Variants in FREM1 observed in about 807,000 individuals in gnomAD.
The protein encoded by FREM1 is FRAS1-related extracellular matrix protein 1.
FREM1 carries 220 observed loss-of-function variants against 210.1 expected under a neutral mutation model. That is an observed-to-expected ratio of 1.05 (90% CI 0.94 to 1.17). The LOEUF is 1.17. Ranked by LOEUF, FREM1 falls within the 50% of genes most tolerant of loss-of-function variation. The pLI is 0.00. For missense variants in FREM1, 3,454 were observed against 2,675.5 expected (o/e 1.29, Z -6.42); for synonymous variants, 1,189 against 980.2 (o/e 1.21, Z -3.98).
intron 1 of FREM1, among the ~76,000 whole-genome samples, chr9:14,879,484 A>G (rs1469571218): frequency 1.3e-5 from 2 of 152,232 alleles, no homozygotes; most frequent in East Asian, 3.9e-4. Context: ...AACACTGAGA[A>G]TCTATCCAAC....
chr9:14,826,076 T>C (rs1822389072), intron 10 of FREM1, among the ~76,000 whole-genome samples: 1 of 150,184 alleles, frequency 6.7e-6, no homozygotes, highest in Non-Finnish European at 1.5e-5. Flanking sequence ...TCCAAGACTT[T>C]CAATATACAC....
chr9:14,847,044 C>T (rs535375660), intron 7 of FREM1, among the ~76,000 whole-genome samples: 1 of 152,210 alleles, frequency 6.6e-6, no homozygotes, highest in East Asian at 1.9e-4. Flanking sequence ...CTAAGAGGGG[C>T]CAGATAACAC....
rs992034956 is a variant in FREM1, at chr9:14,779,539, G to A, written c.4443-3336C>T. On this transcript the variant is annotated intron_variant, in intron 24 of 36. Coordinates refer to ENST00000380880, the MANE Select transcript of FREM1 (RefSeq NM_001379081.2). ...GACTTTCCTCCCTGCAGACTGAATTGCAAGAATGCCTGACGGGGTCCTCAA... is the reference window on the plus strand; with the variant it reads ...GACTTTCCTCCCTGCAGACTGAATTACAAGAATGCCTGACGGGGTCCTCAA... 5 of 975,230 alleles carry A rather than the reference G, an allele frequency of 5.1e-6. No homozygotes were observed. In the African/African-American group the frequency reaches 8.8e-5, roughly 17 times the overall value. The allele number at this position is 975,230 out of a possible 1,614,324, so 60.4% of individuals were successfully genotyped here. A position where few individuals can be genotyped will look rare whatever the true frequency, so the allele number is the denominator to read the frequency against.
rs536683402 is a variant in FREM1 at position 14,776,169 on chromosome 9, C to T, written c.4477G>A (p.Gly1493Arg). The change falls in exon 25 of 37, where the codon GGG (glycine) becomes AGG (arginine). Residue 1493 changes from glycine to arginine, a missense_variant. Transcript: ENST00000380880. ...IISNGLRTEH[G>R]VFEITLETVD... is the part of the protein sequence containing the mutation. ...GTCTCCAGTGTGATCTCAAACACCC[C>T]GTGCTCGGTCCGCAGTCCATTGCTG... 21 of 1,540,214 alleles carry T rather than the reference C, an allele frequency of 1.4e-5. No homozygotes were observed. Among genetic ancestry groups the T allele is most frequent in the Middle Eastern group, 1.8e-4 (1 of 5,710 alleles).
rs149356752 is a variant in FREM1, at chr9:14,757,389, T to C, written c.5335-943A>G. On this transcript the variant is annotated intron_variant, in intron 28 of 36. Transcript: ENST00000380880. Reference sequence around the variant, plus strand: ...GGCCAACATGGTGAAACCCCGTCTCTACCAAAAACAAAAAAATTGGCCAGG... The same window carrying C: ...GGCCAACATGGTGAAACCCCGTCTCCACCAAAAACAAAAAAATTGGCCAGG... Among the ~76,000 whole-genome samples the C allele has an allele frequency of 8.5e-3, 1,294 of 152,198 alleles. 20 individuals carry two copies. The highest frequency in any genetic ancestry group is 0.03 in the African/African-American group (1,227 of 41,522).
At chr9:14,845,712 G>A (rs769453063) in intron 8 of FREM1, among the ~76,000 whole-genome samples, 1 of 152,138 alleles carries the variant, frequency 6.6e-6, no homozygotes, top group African/African-American at 2.4e-5. Context: ...GCCATGCATG[G>A]CATCCAGAAA....
At chr9:14,815,585 C>T (rs1428062740) in intron 15 of FREM1, among the ~76,000 whole-genome samples, 2 of 152,284 alleles carry the variant, frequency 1.3e-5, no homozygotes, top group South Asian at 2.1e-4. Context: ...GAGTTATGCT[C>T]TTGGACTTGC....
chr9:14,832,926 C>A (rs1205066577), intron 10 of FREM1, among the ~76,000 whole-genome samples: 1 of 152,140 alleles, frequency 6.6e-6, no homozygotes, highest in African/African-American at 2.4e-5. Context: ...GGTTAGGATG[C>A]AGGCCCAGGA....
chr9:14,896,457 T>C (rs1044095942), intron 1 of FREM1, among the ~76,000 whole-genome samples: 11 of 150,670 alleles, frequency 7.3e-5, no homozygotes, highest in African/African-American at 2.7e-4. Flanking sequence ...GGCAGGAGAA[T>C]TGCTTAAACT....
chr9:14,861,084 TACAC>T lies in FREM1; in HGVS notation c.330-1604_330-1601del, dbSNP rs1214502848. On this transcript the variant is annotated intron_variant, in intron 3 of 36. Transcript: ENST00000380880. ...ATACACATATACATATATACATATA[TACAC>T]ATATATATAAACATATATACACATA... 9.5e-5 allele frequency among the ~76,000 whole-genome samples: 11 copies of T among 115,352 alleles called. 2 individuals carry two copies. The highest frequency in any genetic ancestry group is 1.9e-4 in the Admixed American group (2 of 10,620). 75.7% of individuals were successfully genotyped at this position (115,352 alleles called of 152,430 possible).
chr9:14,857,268 AAGG>A (rs1828934199), intron 5 of FREM1, among the ~76,000 whole-genome samples: 2 of 152,158 alleles, frequency 1.3e-5, no homozygotes, highest in South Asian at 4.1e-4. Flanking sequence ...ATTGGGAGTA[AAGG>A]AGGAAGAAGG....
intron 1 of FREM1, among the ~76,000 whole-genome samples, chr9:14,874,674 C>T (rs7032309): frequency 6.6e-6 from 1 of 151,650 alleles, no homozygotes; most frequent in African/African-American, 2.4e-5. Flanking sequence ...GACATTTAAA[C>T]TTAATATTGT....
rs753189419 is a variant in FREM1 at position 14,851,418 on chromosome 9, G to A, written c.1018C>T (p.Pro340Ser). 1.9e-6 allele frequency: 3 copies of A among 1,613,808 alleles called. No homozygotes were observed. Among genetic ancestry groups the A allele is most frequent in the Middle Eastern group, 1.6e-4 (1 of 6,084 alleles). Residue 340 changes from proline (P) to serine (S), a missense_variant, in exon 6 of 37, where the codon CCG becomes TCG. Physicochemically the swap from Pro to Ser is moderately conservative, Grantham distance 74 (BLOSUM62 -1). Transcript: ENST00000380880. ...PLLVFNITKA[P>S]LQGYVTHLLD... ...AGGTGAGTCACATAGCCCTGGAGCG[G>A]GGCTTTAGTAATGTTGAACACCAGC...
intron 24 of FREM1, among the ~76,000 whole-genome samples, chr9:14,781,849 G>A (rs1232365917): frequency 1.3e-5 from 2 of 152,146 alleles, no homozygotes; most frequent in African/African-American, 4.8e-5. Flanking sequence ...GATTACAGGT[G>A]CCCGCCACCA....
chr9:14,786,928 T>A (rs1265775172), intron 23 of FREM1, among the ~76,000 whole-genome samples: 9 of 151,994 alleles, frequency 5.9e-5, no homozygotes, highest in Non-Finnish European at 1.2e-4. Flanking sequence ...GAGCAGGAAA[T>A]GGACCTGAGG....
At chr9:14,892,423 C>T (rs1165512037) in intron 1 of FREM1, among the ~76,000 whole-genome samples, 1 of 151,960 alleles carries the variant, frequency 6.6e-6, no homozygotes, top group Admixed American at 6.6e-5. Flanking sequence ...GTTAAAGGCC[C>T]CTCTTAATAA....
At chr9:14,786,934 TGAG>T (rs1300617629) in intron 23 of FREM1, among the ~76,000 whole-genome samples, 3 of 152,086 alleles carry the variant, frequency 2.0e-5, no homozygotes, top group Non-Finnish European at 4.4e-5. Flanking sequence ...GAAATGGACC[TGAG>T]GGGAGGAAGA....
In FREM1 at chr9:14,851,563, C is replaced by A; in HGVS notation, c.873G>T (p.Pro291=). ...TGAATGCAGCCTTTGGAATCTGATT[C>A]GGAATTCCAGCTCTGATATAGACAG... ...WLPVYIRAGI[P]NQIPKAAFMA... The change falls in exon 6 of 37, where the codon CCG becomes CCT. Residue 291 remains proline (P), a synonymous_variant. Coordinates refer to ENST00000380880, the MANE Select transcript of FREM1 (RefSeq NM_001379081.2). 1 of 1,613,914 alleles carries A rather than the reference C, an allele frequency of 6.2e-7. No homozygotes were observed. The highest frequency in any genetic ancestry group is 8.5e-7 in the Non-Finnish European group (1 of 1,179,832).
rs189794713 is a variant in FREM1, at chr9:14,831,835, T to C, written c.1882-6843A>G. ...AGAGTGACTAAGGCCCAAAACTCAGTTCCTCTGGCGCCATGGCTCGGAGGG... is the reference window on the plus strand; with the variant it reads ...AGAGTGACTAAGGCCCAAAACTCAGCTCCTCTGGCGCCATGGCTCGGAGGG... On this transcript the variant is annotated intron_variant, in intron 10 of 36. Coordinates refer to ENST00000380880, the MANE Select transcript of FREM1 (RefSeq NM_001379081.2). 6.2e-3 allele frequency among the ~76,000 whole-genome samples: 948 copies of C among 152,282 alleles called. 7 individuals carry two copies. The highest frequency in any genetic ancestry group is 0.01 in the Non-Finnish European group (693 of 68,026).
Sources: allele counts gnomAD v4.1 joint callset (sites outside exome capture counted in the v4.1 genomes callset), GRCh38; gene constraint gnomAD v4.1.1; transcripts MANE v1.5; gene names NCBI Gene and HGNC (gene_info 2026-07-23, HGNC 2026-07-21).